The following COL4A1 variants were observed in gnomAD, a reference collection of about 807,000 sequenced individuals.
The protein encoded by COL4A1 is collagen type IV alpha 1 chain.
Under a neutral mutation model 216.6 loss-of-function variants are expected in COL4A1, and 40 were observed. The observed-to-expected ratio is 0.18, with a 90% CI of 0.14 to 0.24. The LOEUF (loss-of-function observed/expected upper bound fraction) is 0.24. Ranked by LOEUF, COL4A1 falls within the 10% of genes least tolerant of loss-of-function variation. The pLI is 1.00. For synonymous variants in COL4A1, 839 were observed against 810.7 expected, an observed-to-expected ratio of 1.03 and a Z score of -0.59; for missense variants, 1,628 against 2,196.8, an observed-to-expected ratio of 0.74 and a Z score of 5.18.
intron 4 of COL4A1, among the ~76,000 whole-genome samples, chr13:110,213,116 G>T (rs76908914): frequency 6.6e-5 from 10 of 152,198 alleles, no homozygotes; most frequent in Middle Eastern, 6.8e-3. Context: ...GGACTCAGGT[G>T]GGGGGAAGGC....
intron 51 of COL4A1, among the ~76,000 whole-genome samples, chr13:110,152,016 G>A (rs1326683814): frequency 6.6e-6 from 1 of 152,196 alleles, no homozygotes; most frequent in Non-Finnish European, 1.5e-5. Context: ...CCCCGGGATT[G>A]TTAAATATAC....
intron 1 of COL4A1, among the ~76,000 whole-genome samples, chr13:110,279,455 A>G (rs1883541640): frequency 6.6e-6 from 1 of 152,160 alleles, no homozygotes; most frequent in Non-Finnish European, 1.5e-5. Context: ...GAAGATTGTA[A>G]GCTCCTTGAA....
At chr13:110,297,915 C>T (rs1884340468) in intron 1 of COL4A1, among the ~76,000 whole-genome samples, 2 of 149,840 alleles carry the variant, frequency 1.3e-5, no homozygotes, top group Non-Finnish European at 2.9e-5. Context: ...GTTTTACTTT[C>T]GCTGATGTAA....
At chr13:110,273,777 T>C (rs1661524517) in intron 1 of COL4A1, among the ~76,000 whole-genome samples, 1 of 152,198 alleles carries the variant, frequency 6.6e-6, no homozygotes, top group Admixed American at 6.5e-5. Context: ...TGCACAGATG[T>C]GGCTCCTCTT....
intron 33 of COL4A1, 52 bp downstream of exon 33, chr13:110,177,790 G>C: frequency 1.9e-6 from 3 of 1,566,920 alleles, no homozygotes; most frequent in Middle Eastern, 2.0e-4. Flanking sequence ...TTTCCCAAGT[G>C]GCATCGAGAA....
chr13:110,218,684 T>C (rs1285728945), intron 2 of COL4A1, among the ~76,000 whole-genome samples: 1 of 152,204 alleles, frequency 6.6e-6, no homozygotes, highest in Non-Finnish European at 1.5e-5. Flanking sequence ...AGGACCCCCG[T>C]CGCCTTTGCA....
chr13:110,218,105 G>T (rs182759176), intron 2 of COL4A1, among the ~76,000 whole-genome samples: 1 of 152,236 alleles, frequency 6.6e-6, no homozygotes, highest in East Asian at 1.9e-4. Context: ...AGTTAAAATA[G>T]CATGAAGCTT....
chr13:110,156,907 A>C (rs1876813289), intron 49 of COL4A1, among the ~76,000 whole-genome samples: 1 of 152,072 alleles, frequency 6.6e-6, no homozygotes, highest in South Asian at 2.1e-4. Flanking sequence ...TGGTGTGTGC[A>C]ATTTTCTATT....
At chr13:110,280,295 C>A (rs1184193674) in intron 1 of COL4A1, among the ~76,000 whole-genome samples, 1 of 152,176 alleles carries the variant, frequency 6.6e-6, no homozygotes, top group Non-Finnish European at 1.5e-5. Flanking sequence ...TTTTCAGACA[C>A]AACAAAAATG....
rs183580502 is a variant in COL4A1, at chr13:110,268,682, C to T, written c.85-25948G>A. 2.6e-5 allele frequency among the ~76,000 whole-genome samples: 4 copies of T among 152,310 alleles called. No homozygotes were observed. Among genetic ancestry groups the T allele is most frequent in the African/African-American group, 4.8e-5 (2 of 41,570 alleles). ...CCAAGGGGCTCTACCTCTCCAAACC[C>T]GGGTGCCTTGTCCATGACCCCATGT... On this transcript the variant is annotated intron_variant, in intron 1 of 51. Transcript: ENST00000375820. The surrounding 1 kb of genome is among the most constrained non-coding windows in gnomAD (Gnocchi z 4.1).
At position 110,154,037 on chromosome 13, in the gene COL4A1, A is replaced by G. The variant is rs142678875; in HGVS notation, c.4755+1246T>C. On this transcript the variant is annotated intron_variant, in intron 50 of 51. Coordinates refer to ENST00000375820, the MANE Select transcript of COL4A1 (RefSeq NM_001845.6). ...AAATGCTTTCCCGCCAATTTTTTCT[A>G]CAATTGGAATAATTTACAGAAGAAA... Among the ~76,000 whole-genome samples, 278 of 152,304 alleles carry G rather than the reference A, an allele frequency of 1.8e-3. 2 individuals carry two copies. Among genetic ancestry groups the G allele is most frequent in the Middle Eastern group, 6.8e-3 (2 of 294 alleles).
chr13:110,225,176 G>A (rs1301250571), intron 2 of COL4A1, among the ~76,000 whole-genome samples: 2 of 152,186 alleles, frequency 1.3e-5, no homozygotes, highest in Non-Finnish European at 2.9e-5. Context: ...GCAGAGCCGC[G>A]TACATAGCAC....
intron 29 of COL4A1, among the ~76,000 whole-genome samples, chr13:110,180,907 A>T (rs1201190968): frequency 1.3e-5 from 2 of 152,172 alleles, no homozygotes; most frequent in Non-Finnish European, 2.9e-5. Context: ...TTGAACCCAG[A>T]ATGCCAGTAG....
At chr13:110,161,786 T>A (rs749655693) in intron 48 of COL4A1, among the ~76,000 whole-genome samples, 2 of 152,232 alleles carry the variant, frequency 1.3e-5, no homozygotes, top group African/African-American at 4.8e-5. Context: ...AGGACAGATA[T>A]GTAGCTTTCT....
intron 28 of COL4A1, among the ~76,000 whole-genome samples, chr13:110,181,624 T>G (rs112881281): frequency 1.2e-4 from 19 of 152,202 alleles, no homozygotes; most frequent in African/African-American, 4.3e-4. Context: ...TCTCCTTTCC[T>G]TTTCTTCTGC....
chr13:110,219,824 ATATG>A (rs1406078213), intron 2 of COL4A1, among the ~76,000 whole-genome samples: 3 of 130,730 alleles, frequency 2.3e-5, no homozygotes, highest in African/African-American at 8.6e-5. Flanking sequence ...ATATGTATAT[ATATG>A]TATGTATGTA....
intron 18 of COL4A1, among the ~76,000 whole-genome samples, chr13:110,203,239 G>A (rs1404183801): frequency 6.6e-6 from 1 of 151,900 alleles, no homozygotes; most frequent in Non-Finnish European, 1.5e-5. Context: ...CAAATATGTT[G>A]CTAATATTCT....
intron 21 of COL4A1, among the ~76,000 whole-genome samples, chr13:110,195,485 C>A (rs1878844600): frequency 6.6e-6 from 1 of 152,146 alleles, no homozygotes; most frequent in Non-Finnish European, 1.5e-5. Context: ...GTGATTTGTC[C>A]AGGGTCATGC....
intron 39 of COL4A1, 29 bp from the exon 40 acceptor site, chr13:110,174,027 C>T (rs773820115): frequency 3.7e-6 from 6 of 1,611,014 alleles, no homozygotes; most frequent in East Asian, 2.2e-5. Context: ...ATCAGACACC[C>T]GCATAACCTC....
Sources: allele counts gnomAD v4.1 joint callset (sites outside exome capture counted in the v4.1 genomes callset), GRCh38; gene constraint gnomAD v4.1.1; non-coding constraint Gnocchi (gnomAD v3.1); transcripts MANE v1.5; gene names NCBI Gene and HGNC (gene_info 2026-07-23, HGNC 2026-07-21).